PDE4D: variants seen among roughly 807,000 people sequenced by gnomAD.
PDE4D encodes the protein phosphodiesterase 4D.
A neutral mutation model predicts 87.4 loss-of-function variants in PDE4D; 24 were observed. That is an observed-to-expected ratio of 0.27 (90% confidence interval 0.20 to 0.39). The LOEUF is 0.39. PDE4D is among the 10% of genes least tolerant of loss of function. PDE4D has a pLI of 1.00. For missense variants in PDE4D, 714 were observed against 1,041.0 expected, an observed-to-expected ratio of 0.69 and a Z score of 4.32; for synonymous variants, 384 against 383.2, an observed-to-expected ratio of 1.00 and a Z score of -0.02.
At chr5:59,782,279 A>T (rs942498086) in intron 1 of PDE4D, among the ~76,000 whole-genome samples, 1 of 152,246 alleles carries the variant, frequency 6.6e-6, no homozygotes, top group Admixed American at 6.5e-5. Context: ...GAAGTTCTTT[A>T]TAGTTTCTAG....
chr5:59,547,847 G>A (rs1817531529), intron 1 of PDE4D, among the ~76,000 whole-genome samples: 1 of 152,126 alleles, frequency 6.6e-6, no homozygotes, highest in Non-Finnish European at 1.5e-5. Flanking sequence ...CAGAGGCCTG[G>A]TCAGTCAGTC....
In PDE4D at chr5:59,236,612, T is replaced by C. The variant is rs565579046; in HGVS notation, c.456-20644A>G. ...ACTGAACTCAGCTCATATTCCTCTA[T>C]GCTGTGCTTACTCGGGAGCGGGAGT... On this transcript the variant is annotated intron_variant, in intron 1 of 14. Transcript: ENST00000340635. 3.0e-4 allele frequency among the ~76,000 whole-genome samples: 45 copies of C among 152,254 alleles called. 1 individual carries two copies. The South Asian group carries it at 7.3e-3, about 25-fold the overall frequency.
chr5:60,095,836 T>C (rs1775620066), intron 2 of PDE4D, among the ~76,000 whole-genome samples: 1 of 152,366 alleles, frequency 6.6e-6, no homozygotes, highest in Admixed American at 6.5e-5. Flanking sequence ...ATTTCTCTGA[T>C]GGCCAGTGAT....
chr5:59,185,739 C>T (rs1333913570), intron 3 of PDE4D, among the ~76,000 whole-genome samples: 1 of 152,210 alleles, frequency 6.6e-6, no homozygotes, highest in African/African-American at 2.4e-5. Flanking sequence ...TGCCACATGG[C>T]TACTCTAGCT....
chr5:59,465,259 C>T (rs902745694), intron 1 of PDE4D, among the ~76,000 whole-genome samples: 2 of 152,114 alleles, frequency 1.3e-5, no homozygotes, highest in African/African-American at 4.8e-5. Flanking sequence ...TTCCCAGACA[C>T]TCATCTTTTT....
At chr5:59,514,264 C>T (rs964690191) in intron 1 of PDE4D, among the ~76,000 whole-genome samples, 3 of 152,018 alleles carry the variant, frequency 2.0e-5, no homozygotes, top group Admixed American at 1.3e-4. Flanking sequence ...CGCCACCACG[C>T]CCAGCTAATT....
chr5:59,801,744 A>G (rs533334811), intron 1 of PDE4D, among the ~76,000 whole-genome samples: 1 of 152,342 alleles, frequency 6.6e-6, no homozygotes, highest in Admixed American at 6.5e-5. Context: ...TTGTTCCACA[A>G]TGAATCATCT....
chr5:60,176,435 C>T (rs1056378761), intron 2 of PDE4D, among the ~76,000 whole-genome samples: 1 of 152,106 alleles, frequency 6.6e-6, no homozygotes, highest in Non-Finnish European at 1.5e-5. Flanking sequence ...CTCTGCATCT[C>T]TGAGCTTAAA....
At chr5:59,952,602 A>G (rs1172002506) in intron 3 of PDE4D, among the ~76,000 whole-genome samples, 5 of 152,104 alleles carry the variant, frequency 3.3e-5, no homozygotes, top group Admixed American at 2.6e-4. Context: ...TGTTGATCCA[A>G]CCCATGAAGT....
chr5:60,252,727 G>C (rs982573077), intron 1 of PDE4D, among the ~76,000 whole-genome samples: 2 of 151,524 alleles, frequency 1.3e-5, no homozygotes, highest in South Asian at 2.1e-4. Flanking sequence ...AAGAGAGCAG[G>C]AACTGTCTAG....
At chr5:59,056,275 C>G (rs1170719925) in intron 5 of PDE4D, among the ~76,000 whole-genome samples, 3 of 152,086 alleles carry the variant, frequency 2.0e-5, no homozygotes, top group African/African-American at 7.2e-5. Flanking sequence ...TCCAAATTCT[C>G]TAAAGTGGAA....
At chr5:59,134,378 A>G (rs944405476) in intron 5 of PDE4D, among the ~76,000 whole-genome samples, 2 of 151,910 alleles carry the variant, frequency 1.3e-5, no homozygotes, top group African/African-American at 4.8e-5. Context: ...GCCTTTGAGA[A>G]CAAACCATCA....
intron 1 of PDE4D, among the ~76,000 whole-genome samples, chr5:60,288,149 G>A (rs1465868090): frequency 6.6e-6 from 1 of 152,142 alleles, no homozygotes; most frequent in East Asian, 1.9e-4. Context: ...GGGCTATCCC[G>A]AGACTAACTA....
chr5:59,665,955 C>A (rs1402818727), intron 1 of PDE4D, among the ~76,000 whole-genome samples: 9 of 152,092 alleles, frequency 5.9e-5, no homozygotes, highest in Non-Finnish European at 1.2e-4. Context: ...TGTTTATAAG[C>A]TACCCAGTTT....
At chr5:58,985,802 C>T (rs1272848886) in intron 11 of PDE4D, among the ~76,000 whole-genome samples, 1 of 152,208 alleles carries the variant, frequency 6.6e-6, no homozygotes, top group Non-Finnish European at 1.5e-5. Flanking sequence ...AAAATAAGCA[C>T]AAATTTTGAT....
rs564124367 is a variant in PDE4D, at chr5:59,079,012, T to C, written c.809-40041A>G. Among the ~76,000 whole-genome samples, 5 of 152,294 alleles carry C rather than the reference T, an allele frequency of 3.3e-5. No individual in the cohort carries two copies. In the East Asian group the frequency reaches 5.8e-4, roughly 18 times the overall value. On this transcript the variant is annotated intron_variant, in intron 5 of 14. Coordinates refer to ENST00000340635, the MANE Select transcript of PDE4D (RefSeq NM_001104631.2). ...ATGCAACAAAAGGACCCTTAACAGA[T>C]GCCAGCACCTTGATTTTAGATTTCC...
chr5:60,431,282 A>G (rs1164967163), intron 1 of PDE4D, among the ~76,000 whole-genome samples: 1 of 139,118 alleles, frequency 7.2e-6, no homozygotes, highest in South Asian at 2.4e-4. Context: ...CAGACGGGGC[A>G]GCTGCCGGGC....
chr5:59,115,510 T>G (rs1773454238), intron 5 of PDE4D, among the ~76,000 whole-genome samples: 1 of 152,208 alleles, frequency 6.6e-6, no homozygotes, highest in African/African-American at 2.4e-5. Context: ...TAGAACCACA[T>G]GACCAAGCTT....
At chr5:60,243,890 G>T (rs1182286150) in intron 1 of PDE4D, among the ~76,000 whole-genome samples, 1 of 151,812 alleles carries the variant, frequency 6.6e-6, no homozygotes, top group East Asian at 1.9e-4. Context: ...CTAAGATCAG[G>T]AACATGATAA....
Sources: gnomAD v4.1 joint callset for allele counts (sites outside exome capture counted in the v4.1 genomes callset) on GRCh38, gnomAD v4.1.1 for gene constraint, MANE v1.5 for transcripts, NCBI Gene and HGNC (gene_info 2026-07-23, HGNC 2026-07-21) for gene names.